TNIK: variants seen among roughly 807,000 people sequenced by gnomAD.
TNIK encodes TRAF2 and NCK interacting kinase.
In TNIK, 49 loss-of-function variants were observed where a neutral mutation model predicts 191.3. The observed-to-expected ratio is 0.26, with a 90% CI of 0.20 to 0.32. The LOEUF (loss-of-function observed/expected upper bound fraction) is 0.32. TNIK is among the 10% of genes least tolerant of loss of function. The probability of loss-of-function intolerance (pLI) is 1.00; values close to 1 mark genes in which losing one functional copy is unlikely to be tolerated. For missense variants in TNIK, 1,155 were observed against 1,702.3 expected (o/e 0.68, Z 5.66); for synonymous variants, 594 against 600.9 (o/e 0.99, Z 0.17).
At chr3:171,371,642 C>T (rs1716503505) in intron 1 of TNIK, among the ~76,000 whole-genome samples, 1 of 152,104 alleles carries the variant, frequency 6.6e-6, no homozygotes, top group Admixed American at 6.5e-5. Flanking sequence ...GACCAACACC[C>T]CATAGTTAGA....
At chr3:171,421,443 G>T (rs1303515746) in intron 1 of TNIK, among the ~76,000 whole-genome samples, 1 of 152,166 alleles carries the variant, frequency 6.6e-6, no homozygotes, top group Non-Finnish European at 1.5e-5. Context: ...CCCTTCATGG[G>T]CCTGTGTATA....
intron 1 of TNIK, among the ~76,000 whole-genome samples, chr3:171,392,163 C>T (rs1201450411): frequency 6.6e-6 from 1 of 152,172 alleles, no homozygotes; most frequent in Non-Finnish European, 1.5e-5. Context: ...CATTACATTT[C>T]ATAGGACACT....
chr3:171,297,661 A>ATCTC (rs1752451418), intron 2 of TNIK, among the ~76,000 whole-genome samples: 3 of 107,772 alleles, frequency 2.8e-5, no homozygotes, highest in Admixed American at 1.8e-4. Context: ...AGAAAAATTA[A>ATCTC]ACAATATAAT....
intron 1 of TNIK, among the ~76,000 whole-genome samples, chr3:171,393,229 C>T (rs1719801275): frequency 6.6e-6 from 1 of 152,172 alleles, no homozygotes; most frequent in Non-Finnish European, 1.5e-5. Flanking sequence ...CAAGCTGAAG[C>T]AAAACAGCCG....
intron 2 of TNIK, among the ~76,000 whole-genome samples, chr3:171,252,099 C>G (rs1013568965): frequency 2.0e-5 from 3 of 151,832 alleles, no homozygotes; most frequent in Admixed American, 2.0e-4. Context: ...TGTGTCATAT[C>G]TCTTTACTTA....
rs111539774 is a variant in TNIK at position 171,335,932 on chromosome 3, A to G, written c.123+33688T>C. Reference sequence around the variant, plus strand: ...TTCCGGTTGCTTCATAACATTGGCAACAATTGATATTGTCAGTCTTTTTAA... The same window carrying G: ...TTCCGGTTGCTTCATAACATTGGCAGCAATTGATATTGTCAGTCTTTTTAA... On this transcript the variant is annotated intron_variant, in intron 2 of 32. Transcript: ENST00000436636. Among the ~76,000 whole-genome samples the G allele has an allele frequency of 5.1e-3, 773 of 152,266 alleles. 9 individuals are homozygous for G. The highest frequency in any genetic ancestry group is 0.018 in the African/African-American group (741 of 41,548).
chr3:171,302,432 T>C (rs539735730), intron 2 of TNIK, among the ~76,000 whole-genome samples: 1 of 152,286 alleles, frequency 6.6e-6, no homozygotes, highest in East Asian at 1.9e-4. Flanking sequence ...TAGCACAAAA[T>C]CTACAACTCA....
At chr3:171,232,559 G>A (rs34806102) in intron 2 of TNIK, among the ~76,000 whole-genome samples, 7,842 of 152,246 alleles carry the variant, frequency 0.052, 299 homozygotes, top group Middle Eastern at 0.11. Context: ...TAGTGAACAT[G>A]CTAAATCTAG....
At chr3:171,299,208 G>A (rs951682990) in intron 2 of TNIK, among the ~76,000 whole-genome samples, 2 of 152,144 alleles carry the variant, frequency 1.3e-5, no homozygotes, top group Non-Finnish European at 2.9e-5. Flanking sequence ...GGGCACAGCC[G>A]CAGGCTTCTG....
At chr3:171,097,489 G>A (rs924853206) in intron 22 of TNIK, among the ~76,000 whole-genome samples, 7 of 152,150 alleles carry the variant, frequency 4.6e-5, no homozygotes, top group East Asian at 1.9e-4. Context: ...ATAATCCCAC[G>A]ACATGGGAGT....
At chr3:171,275,660 G>A (rs944122501) in intron 2 of TNIK, among the ~76,000 whole-genome samples, 1 of 152,038 alleles carries the variant, frequency 6.6e-6, no homozygotes, top group African/African-American at 2.4e-5. Context: ...ACTTTGGGAG[G>A]CCAAGGTGGG....
intron 7 of TNIK, among the ~76,000 whole-genome samples, chr3:171,178,061 A>G (rs955890131): frequency 6.6e-6 from 1 of 152,220 alleles, no homozygotes; most frequent in African/African-American, 2.4e-5. Flanking sequence ...ATTGTTGTGT[A>G]GTATTCCATT....
chr3:171,352,967 C>T (rs1263029901), intron 2 of TNIK, among the ~76,000 whole-genome samples: 1 of 152,156 alleles, frequency 6.6e-6, no homozygotes, highest in Non-Finnish European at 1.5e-5. Context: ...GGGTTTCTAC[C>T]TTAAAGTCAC....
At chr3:171,112,726 TCA>T (rs1013792125) in intron 18 of TNIK, among the ~76,000 whole-genome samples, 1 of 152,202 alleles carries the variant, frequency 6.6e-6, no homozygotes, top group Non-Finnish European at 1.5e-5. Flanking sequence ...TAGTGTATAT[TCA>T]GTTTTGCATC....
At position 171,290,751 on chromosome 3, in the gene TNIK, G is replaced by A. The variant is rs894561788; in HGVS notation, c.124-62530C>T. Among the ~76,000 whole-genome samples the A allele has an allele frequency of 4.6e-5, 7 of 152,222 alleles. No individual in the cohort carries two copies. In the East Asian group the frequency reaches 1.2e-3, roughly 25 times the overall value. On this transcript the variant is annotated intron_variant, in intron 2 of 32. Transcript: ENST00000436636. Reference sequence around the variant, plus strand: ...CATCACCATAATGACTGAATGTACAGCACTATAAGCATGAAGCTCACATAT... The same window carrying A: ...CATCACCATAATGACTGAATGTACAACACTATAAGCATGAAGCTCACATAT...
intron 2 of TNIK, among the ~76,000 whole-genome samples, chr3:171,233,302 G>T (rs1743889721): frequency 6.9e-6 from 1 of 145,948 alleles, no homozygotes; most frequent in Non-Finnish European, 1.5e-5. Context: ...CCAGCACTGT[G>T]ATTTTTTTTT....
At chr3:171,392,778 CAAAAAAA>C (rs60306915) in intron 1 of TNIK, among the ~76,000 whole-genome samples, 9 of 95,282 alleles carry the variant, frequency 9.4e-5, no homozygotes, top group African/African-American at 2.8e-4. Context: ...GATTCTGTCT[CAAAAAAA>C]AAAAAAAAAA....
At chr3:171,165,478 C>A (rs1734503391) in intron 10 of TNIK, among the ~76,000 whole-genome samples, 1 of 151,826 alleles carries the variant, frequency 6.6e-6, no homozygotes, top group Non-Finnish European at 1.5e-5. Flanking sequence ...TCTCATCCTG[C>A]CTTAGCCCTC....
At chr3:171,319,881 G>A (rs1344169686) in intron 2 of TNIK, among the ~76,000 whole-genome samples, 1 of 152,108 alleles carries the variant, frequency 6.6e-6, no homozygotes, top group Non-Finnish European at 1.5e-5. Flanking sequence ...GAGAAGACAG[G>A]ATGTCTTAAG....
Sources: allele counts gnomAD v4.1 joint callset (sites outside exome capture counted in the v4.1 genomes callset), GRCh38; gene constraint gnomAD v4.1.1; transcripts MANE v1.5; gene names NCBI Gene and HGNC (gene_info 2026-07-23, HGNC 2026-07-21).